The following ARHGAP22 variants were observed in gnomAD, a reference collection of about 807,000 sequenced individuals.
ARHGAP22 encodes the protein rho GTPase-activating protein 22.
A neutral mutation model predicts 59.1 loss-of-function variants in ARHGAP22; 48 were observed. That is an observed-to-expected ratio of 0.81 (90% CI 0.64 to 1.03). The LOEUF (loss-of-function observed/expected upper bound fraction) is 1.03, where lower values mean the gene tolerates loss of function less well. Ranked by LOEUF, ARHGAP22 falls within the 50% of genes least tolerant of loss-of-function variation. The probability of loss-of-function intolerance (pLI) is 0.00; values close to 1 mark genes in which losing one functional copy is unlikely to be tolerated. For synonymous variants in ARHGAP22, 445 were observed against 416.4 expected (o/e 1.07, Z -0.84); for missense variants, 1,015 against 958.7 (o/e 1.06, Z -0.78).
intron 1 of ARHGAP22, among the ~76,000 whole-genome samples, chr10:48,588,223 T>G (rs549737528): frequency 6.6e-5 from 10 of 152,182 alleles, no homozygotes; most frequent in African/African-American, 2.4e-4. Flanking sequence ...GGGTGGTCTC[T>G]ACTTCAGTAG....
At chr10:48,565,065 C>T (rs549872706) in intron 2 of ARHGAP22, among the ~76,000 whole-genome samples, 7 of 152,312 alleles carry the variant, frequency 4.6e-5, no homozygotes, top group South Asian at 2.1e-4. Context: ...TCACCCAAAT[C>T]GTAAAAAGAT....
intron 3 of ARHGAP22, among the ~76,000 whole-genome samples, chr10:48,524,884 T>C (rs1205951853): frequency 6.6e-6 from 1 of 152,202 alleles, no homozygotes; most frequent in Non-Finnish European, 1.5e-5. Flanking sequence ...AAACTCTCTC[T>C]GTGCCCAGTT....
At chr10:48,604,202 G>C (rs1168439006) in intron 1 of ARHGAP22, among the ~76,000 whole-genome samples, 1 of 152,176 alleles carries the variant, frequency 6.6e-6, no homozygotes, top group Non-Finnish European at 1.5e-5. Flanking sequence ...TTGCTGGTCT[G>C]AGTCTGCTCC....
At chr10:48,616,737 T>C (rs1016379052) in intron 1 of ARHGAP22, among the ~76,000 whole-genome samples, 5 of 152,054 alleles carry the variant, frequency 3.3e-5, no homozygotes, top group African/African-American at 1.2e-4. Flanking sequence ...GGCAAAACTA[T>C]CCTTTAAATG....
At chr10:48,537,819 T>A (rs4838617) in intron 3 of ARHGAP22, among the ~76,000 whole-genome samples, 35,244 of 152,116 alleles carry the variant, frequency 0.23, 4,286 homozygotes, top group African/African-American at 0.25. Context: ...TGGAGCAGCA[T>A]GCTGCATGGA....
chr10:48,519,664 A>C (rs1040987583), intron 3 of ARHGAP22, among the ~76,000 whole-genome samples: 2 of 152,212 alleles, frequency 1.3e-5, no homozygotes, highest in Non-Finnish European at 2.9e-5. Flanking sequence ...AATGAAATGA[A>C]CTGGGCCCGA....
downstream of ARHGAP22, among the ~76,000 whole-genome samples, chr10:48,442,432 G>A (rs1020557260): frequency 1.3e-5 from 2 of 152,238 alleles, no homozygotes; most frequent in African/African-American, 4.8e-5. Context: ...TCCTGGCATG[G>A]CAGCTATGTC....
intron 2 of ARHGAP22, among the ~76,000 whole-genome samples, chr10:48,569,362 A>T (rs570829579): frequency 6.6e-6 from 1 of 152,224 alleles, no homozygotes; most frequent in Non-Finnish European, 1.5e-5. Flanking sequence ...AAATGTACCC[A>T]TCGTCCTCGG....
intron 1 of ARHGAP22, among the ~76,000 whole-genome samples, chr10:48,610,411 C>G (rs2060837948): frequency 6.6e-6 from 1 of 152,108 alleles, no homozygotes; most frequent in Non-Finnish European, 1.5e-5. Context: ...GGCATGATTT[C>G]TAGAGTCATT....
intron 4 of ARHGAP22, among the ~76,000 whole-genome samples, chr10:48,476,712 T>C (rs10857577): frequency 0.16 from 24,423 of 152,170 alleles, 2,864 homozygotes; most frequent in East Asian, 0.63. Context: ...ATGCCAGGCC[T>C]GGGGAAGGGG....
chr10:48,474,528 A>G (rs917392954), intron 4 of ARHGAP22, among the ~76,000 whole-genome samples: 2 of 152,156 alleles, frequency 1.3e-5, no homozygotes, highest in Non-Finnish European at 2.9e-5. Context: ...CTTGGAGGAA[A>G]ATTAGCCAGT....
At chr10:48,474,612 C>CATAGGTATAGAATAGAAGTT (rs780863771) in intron 4 of ARHGAP22, among the ~76,000 whole-genome samples, 1 of 151,758 alleles carries the variant, frequency 6.6e-6, no homozygotes, top group African/African-American at 2.4e-5. Context: ...CCCTTCTATT[C>CATAGGTATAGAATAGAAGTT]CTAGGGATAG....
chr10:48,500,130 G>C (rs1296436094), intron 3 of ARHGAP22, among the ~76,000 whole-genome samples: 1 of 152,166 alleles, frequency 6.6e-6, no homozygotes, highest in Non-Finnish European at 1.5e-5. Context: ...TTGAGGCTAG[G>C]AGTTCCAGAC....
intron 3 of ARHGAP22, among the ~76,000 whole-genome samples, chr10:48,493,270 G>A (rs1040087697): frequency 1.3e-5 from 2 of 152,214 alleles, no homozygotes; most frequent in African/African-American, 2.4e-5. Context: ...CCTGCCAGAT[G>A]TACCAGGCTG....
chr10:48,492,489 G>C (rs1049266600), intron 3 of ARHGAP22, among the ~76,000 whole-genome samples: 6 of 152,092 alleles, frequency 3.9e-5, no homozygotes, highest in African/African-American at 1.4e-4. Flanking sequence ...AAATGTTTTA[G>C]CAGCTACACT....
At chr10:48,472,828 CA>C (rs36082162) in intron 4 of ARHGAP22, among the ~76,000 whole-genome samples, 3 of 150,612 alleles carry the variant, frequency 2.0e-5, no homozygotes, top group Admixed American at 2.0e-4. Flanking sequence ...AAAAAAAAAC[CA>C]AAAAAAACAG....
rs189608566 is a variant in ARHGAP22 at position 48,599,627 on chromosome 10, C to T, written c.34+5136G>A. Among the ~76,000 whole-genome samples the T allele has an allele frequency of 2.6e-5, 4 of 152,328 alleles. No homozygotes were observed. In the East Asian group the frequency reaches 7.7e-4, roughly 29 times the overall value. ...CAGGGGCCAGGCCCATCTGAGCCCA[C>T]CACACACCTTTGTATCCATGGCCAA... On this transcript the variant is annotated intron_variant, in intron 1 of 9. Coordinates refer to ENST00000249601, the MANE Select transcript of ARHGAP22 (RefSeq NM_021226.4).
At position 48,611,805 on chromosome 10, in the gene ARHGAP22, T is replaced by TCC. The variant is rs1254231247; in HGVS notation, c.53-28654_53-28653insGG. On this transcript the variant is annotated intron_variant, in intron 1 of 9. Coordinates refer to the ARHGAP22 transcript ENST00000435790. ...CCTGCTCCTTTCCCTTCCCTTCCCT[T>TCC]CTCTTCCCTTCCCTTCCCTTCCCTT... 1.3e-3 allele frequency among the ~76,000 whole-genome samples: 151 copies of TCC among 118,028 alleles called. 7 individuals carry two copies. The highest frequency in any genetic ancestry group is 4.9e-3 in the African/African-American group (140 of 28,284). The allele number at this position is 118,028 out of a possible 152,430, so 77.4% of individuals were successfully genotyped here.
At chr10:48,437,920 A>C in the ARHGAP22 span, 1 of 152,196 alleles carries the variant, frequency 6.6e-6, no homozygotes, top group Non-Finnish European at 1.5e-5. Flanking sequence ...TAAAAGATGG[A>C]GGGAAGAGGA....
Sources: gnomAD v4.1 joint callset for allele counts (sites outside exome capture counted in the v4.1 genomes callset) on GRCh38, gnomAD v4.1.1 for gene constraint, MANE v1.5 for transcripts, NCBI Gene and HGNC (gene_info 2026-07-23, HGNC 2026-07-21) for gene names.